The following GNB3 variants were observed in gnomAD, a reference collection of about 807,000 sequenced individuals.
The protein encoded by GNB3 is guanine nucleotide-binding protein G(I)/G(S)/G(T) subunit beta-3.
A neutral mutation model predicts 41.2 loss-of-function variants in GNB3; 33 were observed. That is an observed-to-expected ratio of 0.80 (90% CI 0.61 to 1.07). The LOEUF (loss-of-function observed/expected upper bound fraction) is 1.07, where lower values mean the gene tolerates loss of function less well. Ranked by LOEUF, GNB3 falls within the 50% of genes least tolerant of loss-of-function variation. The pLI is 0.00. For missense variants in GNB3, 409 were observed against 455.3 expected (o/e 0.90, Z 0.92); for synonymous variants, 172 against 173.4 (o/e 0.99, Z 0.06).
chr12:6,843,442 G>C lies in GNB3; in HGVS notation c.347G>C (p.Gly116Ala). 1 of 1,614,062 alleles carries C rather than the reference G, an allele frequency of 6.2e-7. No individual in the cohort carries two copies. The highest frequency in any genetic ancestry group is 8.5e-7 in the Non-Finnish European group (1 of 1,179,914). ...APSGNFVACGGLDNMCSIYNL... is the reference protein window; with the variant it reads ...APSGNFVACGALDNMCSIYNL... ...TCAGGGAACTTTGTGGCATGTGGGGGGCTGGACAACATGTGTTCCATCTAC... is the reference window on the plus strand; with the variant it reads ...TCAGGGAACTTTGTGGCATGTGGGGCGCTGGACAACATGTGTTCCATCTAC... The change falls in exon 6 of 10, where the codon GGG becomes GCG. Residue 116 changes from glycine (G) to alanine (A), a missense_variant. Coordinates refer to ENST00000229264, the MANE Select transcript of GNB3 (RefSeq NM_002075.4). The surrounding 1 kb of genome is among the most constrained non-coding windows in gnomAD (Gnocchi z 5.9).
Position 6,843,762 on chromosome 12 carries a change from C to G in GNB3, c.498-15C>G. On this transcript the variant is annotated splice_polypyrimidine_tract_variant and intron_variant, in intron 7 of 9. Coordinates refer to ENST00000229264, the MANE Select transcript of GNB3 (RefSeq NM_002075.4). This position sits in a 1 kb window ranked among gnomAD's most constrained non-coding sequence, Gnocchi z 5.9. ...GGCCCGGCCTTTCTCTAACAGTCTCCCTCCATTTTGGCAGTGCCTTGTGGG... is the reference window on the plus strand; with the variant it reads ...GGCCCGGCCTTTCTCTAACAGTCTCGCTCCATTTTGGCAGTGCCTTGTGGG... The G allele has an allele frequency of 6.2e-7, 1 of 1,613,302 alleles. No individual in the cohort carries two copies. The highest frequency in any genetic ancestry group is 8.5e-7 in the Non-Finnish European group (1 of 1,179,198).
intron 9 of GNB3, chr12:6,846,161 G>C (rs1277020113): frequency 1.4e-5 from 4 of 277,078 alleles, no homozygotes; most frequent in Non-Finnish European, 2.8e-5. Context: ...AAGGAGATCT[G>C]GAGTGGCCCG....
At chr12:6,841,115 G>A in intron 1 of GNB3, 82 bp downstream of exon 1, 1 of 637,590 alleles carries the variant, frequency 1.6e-6, no homozygotes, top group Non-Finnish European at 2.8e-6. Context: ...GGACGCAAAG[G>A]ACCTCAAACT....
At chr12:6,841,201 G>A in intron 1 of GNB3, 57 bp from the exon 2 acceptor site, 2 of 1,115,022 alleles carry the variant, frequency 1.8e-6, no homozygotes, top group South Asian at 2.6e-5. Flanking sequence ...TGGGCACGAA[G>A]GGCAGAAGCA....
At position 6,843,542 on chromosome 12, in the gene GNB3, C is replaced by T. The variant is rs1555123869; in HGVS notation, c.430+17C>T. ...CTCACACAGGTGAGGGAGAGACCCT[C>T]TCCTCCCCTCCTGAGGGGTTCAGGG... On this transcript the variant is annotated intron_variant, in intron 6 of 9. Coordinates refer to ENST00000229264, the MANE Select transcript of GNB3 (RefSeq NM_002075.4). This position sits in a 1 kb window ranked among gnomAD's most constrained non-coding sequence, Gnocchi z 5.9. The T allele has an allele frequency of 1.2e-6, 2 of 1,613,226 alleles. No homozygotes were observed. Among genetic ancestry groups the T allele is most frequent in the Non-Finnish European group, 1.7e-6 (2 of 1,179,182 alleles).
chr12:6,845,397 G>A (rs1349802917), intron 8 of GNB3, 189 bp from the exon 9 acceptor site: 10 of 600,224 alleles, frequency 1.7e-5, no homozygotes, highest in African/African-American at 1.7e-4. Flanking sequence ...CGGGCGAGGG[G>A]CATAGGGAAG....
Position 6,843,180 on chromosome 12 carries a change from G to T in GNB3, c.210G>T (p.Leu70=). The T allele has an allele frequency of 6.2e-7, 1 of 1,613,820 alleles. No individual in the cohort carries two copies. The highest frequency in any genetic ancestry group is 2.2e-5 in the East Asian group (1 of 44,882). The stretch of plus-strand genomic sequence containing the variant: ...TGGGATGCCCTCTCCCCAGGCTGCT[G>T]GTAAGTGCCTCGCAAGATGGGAAGC... ...AMHWATDSKL[L]VSASQDGKLI... The change falls in exon 5 of 10, where the codon CTG becomes CTT. Residue 70 remains leucine, a synonymous_variant. Transcript: ENST00000229264. The surrounding 1 kb of genome is among the most constrained non-coding windows in gnomAD (Gnocchi z 5.9).
chr12:6,843,934 C>A lies in GNB3; in HGVS notation c.655C>A (p.Arg219Ser). 6.2e-7 allele frequency: 1 copy of A among 1,613,828 alleles called. No individual in the cohort carries two copies. The highest frequency in any genetic ancestry group is 8.5e-7 in the Non-Finnish European group (1 of 1,179,886). The change falls in exon 8 of 10, where the codon CGT becomes AGT. Residue 219 changes from arginine to serine, a missense_variant. Physicochemically the swap from Arg to Ser is moderately radical, Grantham distance 110. Transcript: ENST00000229264. The surrounding 1 kb of genome is among the most constrained non-coding windows in gnomAD (Gnocchi z 5.9). Reference sequence around the variant, plus strand: ...CTGGGATGTGCGAGAGGGGACCTGCCGTCAGACTTTCACTGGCCACGAGTC... The same window carrying A: ...CTGGGATGTGCGAGAGGGGACCTGCAGTCAGACTTTCACTGGCCACGAGTC... Reference protein sequence around the residue: ...KLWDVREGTCRQTFTGHESDI... With the variant: ...KLWDVREGTCSQTFTGHESDI...
At position 6,843,697 on chromosome 12, in the gene GNB3, T is replaced by C. The variant is rs1555123936; in HGVS notation, c.496T>C (p.Cys166Arg). 6.2e-7 allele frequency: 1 copy of C among 1,613,882 alleles called. No homozygotes were observed. The highest frequency in any genetic ancestry group is 8.5e-7 in the Non-Finnish European group (1 of 1,179,858). Reference sequence around the variant, plus strand: ...TGTGACCAGCTCGGGGGACACCACGTGGTGAGGCTGAACATTGCTGGTGCT... The same window carrying C: ...TGTGACCAGCTCGGGGGACACCACGCGGTGAGGCTGAACATTGCTGGTGCT... The part of the protein sequence containing the change: ...NIVTSSGDTT[C>R]ALWDIETGQQ... Residue 166 changes from cysteine (C) to arginine (R), a missense_variant and splice_region_variant, in exon 7 of 10, where the codon TGT (cysteine) becomes CGT (arginine). Physicochemically the swap from Cys to Arg is radical, Grantham distance 180. Coordinates refer to ENST00000229264, the MANE Select transcript of GNB3 (RefSeq NM_002075.4). This position sits in a 1 kb window ranked among gnomAD's most constrained non-coding sequence, Gnocchi z 5.9.
At position 6,846,949 on chromosome 12, in the gene GNB3, C is replaced by A; in HGVS notation, c.*51C>A. The A allele has an allele frequency of 1.0e-6, 1 of 993,282 alleles. No homozygotes were observed. The highest frequency in any genetic ancestry group is 1.4e-5 in the South Asian group (1 of 72,788). The allele number at this position is 993,282 out of a possible 1,614,324, so 61.5% of individuals were successfully genotyped here. ...GGCAGTGAACACACTCAGCAGCCCC[C>A]TGCCCGACCCCATCTCATTCAGGTG... On this transcript the variant is annotated 3_prime_UTR_variant, in exon 10 of 10. Transcript: ENST00000229264.
Position 6,843,471 on chromosome 12 carries a change from C to T in GNB3, c.376C>T (p.Leu126Phe), listed in dbSNP as rs1591589352. 6.2e-7 allele frequency: 1 copy of T among 1,614,026 alleles called. No homozygotes were observed. The change falls in exon 6 of 10, where the codon CTC becomes TTC. Residue 126 changes from leucine (L) to phenylalanine (F), a missense_variant. Leu to Phe is a conservative substitution (Grantham distance 22, BLOSUM62 0). Transcript: ENST00000229264. The surrounding 1 kb of genome is among the most constrained non-coding windows in gnomAD (Gnocchi z 5.9). ...GLDNMCSIYNLKSREGNVKVS... is the reference protein window; with the variant it reads ...GLDNMCSIYNFKSREGNVKVS... ...GGACAACATGTGTTCCATCTACAAC[C>T]TCAAATCCCGTGAGGGCAATGTCAA...
chr12:6,844,450 TCA>T lies in GNB3; in HGVS notation c.699+476_699+477del, dbSNP rs200961340. 7.9e-3 allele frequency among the ~76,000 whole-genome samples: 1,198 copies of T among 152,184 alleles called. 16 individuals are homozygous for T. Among genetic ancestry groups the T allele is most frequent in the African/African-American group, 0.027 (1,136 of 41,510 alleles). On this transcript the variant is annotated intron_variant, in intron 8 of 9. Coordinates refer to ENST00000229264, the MANE Select transcript of GNB3 (RefSeq NM_002075.4). ...CTTTCCTTTTTTTGGAGACAGAGTC[TCA>T]CACTGTTGCCCAGTCTGGATGCAGT...
intron 3 of GNB3, chr12:6,841,927 C>G (rs1426927728): frequency 1.8e-6 from 1 of 540,920 alleles, no homozygotes; most frequent in African/African-American, 1.9e-5. Flanking sequence ...CCCTTGTAGA[C>G]TCTAGCTGCT....
At chr12:6,844,288 G>T (rs1390336663) in intron 8 of GNB3, among the ~76,000 whole-genome samples, 1 of 151,360 alleles carries the variant, frequency 6.6e-6, no homozygotes, top group African/African-American at 2.4e-5. Flanking sequence ...TTTTAGTAGA[G>T]ATGGGGTTTT....
chr12:6,843,436 G>A lies in GNB3; in HGVS notation c.341G>A (p.Cys114Tyr), dbSNP rs375004756. Residue 114 changes from cysteine (C) to tyrosine (Y), a missense_variant, in exon 6 of 10, where the codon TGT (cysteine) becomes TAT (tyrosine). By Grantham distance (194) the Cys-to-Tyr change is radical. Coordinates refer to ENST00000229264, the MANE Select transcript of GNB3 (RefSeq NM_002075.4). The surrounding 1 kb of genome is among the most constrained non-coding windows in gnomAD (Gnocchi z 5.9). ...GCCCCATCAGGGAACTTTGTGGCATGTGGGGGGCTGGACAACATGTGTTCC... is the reference window on the plus strand; with the variant it reads ...GCCCCATCAGGGAACTTTGTGGCATATGGGGGGCTGGACAACATGTGTTCC... ...AYAPSGNFVA[C>Y]GGLDNMCSIY... 1.2e-6 allele frequency: 2 copies of A among 1,614,018 alleles called. No individual in the cohort carries two copies. Among genetic ancestry groups the A allele is most frequent in the Non-Finnish European group, 1.7e-6 (2 of 1,179,970 alleles).
rs372895359 is a variant in GNB3, at chr12:6,845,628, G to A, written c.742G>A (p.Ala248Thr). Reference sequence around the variant, plus strand: ...GGCCATCTGCACGGGCTCGGATGACGCTTCCTGCCGCTTGTTTGACCTGCG... The same window carrying A: ...GGCCATCTGCACGGGCTCGGATGACACTTCCTGCCGCTTGTTTGACCTGCG... ...GEAICTGSDD[A>T]SCRLFDLRAD... is the part of the protein sequence containing the mutation. Residue 248 changes from alanine to threonine, a missense_variant, in exon 9 of 10, where the codon GCT becomes ACT. Transcript: ENST00000229264. The A allele has an allele frequency of 7.9e-5, 128 of 1,613,222 alleles. No individual in the cohort carries two copies. The highest frequency in any genetic ancestry group is 3.5e-4 in the Admixed American group (21 of 60,006).
intron 9 of GNB3, 149 bp from the exon 10 acceptor site, chr12:6,846,643 C>A (rs192679335): frequency 1.6e-6 from 1 of 609,972 alleles, no homozygotes; most frequent in Admixed American, 2.5e-5. Flanking sequence ...GTACACACAC[C>A]CACACATGCA....
intron 3 of GNB3, among the ~76,000 whole-genome samples, chr12:6,842,552 C>T (rs745479967): frequency 6.6e-6 from 1 of 152,132 alleles, no homozygotes; most frequent in Non-Finnish European, 1.5e-5. Context: ...TGGTGATGCC[C>T]CAGGCACCCA....
At chr12:6,846,415 C>T (rs1038455883) in intron 9 of GNB3, 3 of 182,866 alleles carry the variant, frequency 1.6e-5, no homozygotes, top group Non-Finnish European at 3.4e-5. Context: ...TTTTCCAGCA[C>T]CTGTCAAGGT....
Sources: allele counts gnomAD v4.1 joint callset (sites outside exome capture counted in the v4.1 genomes callset), GRCh38; gene constraint gnomAD v4.1.1; non-coding constraint Gnocchi (gnomAD v3.1); transcripts MANE v1.5; gene names NCBI Gene and HGNC (gene_info 2026-07-23, HGNC 2026-07-21).